The following GALNT18 variants were observed in gnomAD, a reference collection of about 807,000 sequenced individuals.
GALNT18 encodes GalNAc-transferase 18.
A neutral mutation model predicts 69.5 loss-of-function variants in GALNT18; 44 were observed. That is an observed-to-expected ratio of 0.63 (90% CI 0.50 to 0.81). The LOEUF (loss-of-function observed/expected upper bound fraction) is 0.81, where lower values mean the gene tolerates loss of function less well. Among genes scored for constraint, GALNT18 ranks in the 40% least tolerant of loss-of-function variants. The pLI is 0.00. For synonymous variants in GALNT18, 364 were observed against 318.2 expected, an observed-to-expected ratio of 1.14 and a Z score of -1.53; for missense variants, 715 against 810.0, an observed-to-expected ratio of 0.88 and a Z score of 1.42.
At chr11:11,479,147 A>G (rs978420445) in intron 1 of GALNT18, among the ~76,000 whole-genome samples, 2 of 152,128 alleles carry the variant, frequency 1.3e-5, no homozygotes, top group African/African-American at 2.4e-5. Flanking sequence ...CAATTCTTCC[A>G]TTACTTGTAT....
chr11:11,421,983 A>G lies in GALNT18; in HGVS notation c.595+10638T>C, dbSNP rs1343138569. Among the ~76,000 whole-genome samples the G allele has an allele frequency of 6.6e-6, 1 of 152,266 alleles. No individual in the cohort carries two copies. Among genetic ancestry groups the G allele is most frequent in the African/African-American group, 2.4e-5 (1 of 41,474 alleles). On this transcript the variant is annotated intron_variant, in intron 3 of 10. Transcript: ENST00000227756. The surrounding 1 kb of genome is among the most constrained non-coding windows in gnomAD (Gnocchi z 5.6). ...TGCATGGCAGCTGAGAGGTAGGTTCAGAAATGGACACAGTTGAATCAGTTG... is the reference window on the plus strand; with the variant it reads ...TGCATGGCAGCTGAGAGGTAGGTTCGGAAATGGACACAGTTGAATCAGTTG...
intron 1 of GALNT18, among the ~76,000 whole-genome samples, chr11:11,550,290 C>G (rs1393539063): frequency 2.0e-5 from 3 of 152,198 alleles, no homozygotes; most frequent in African/African-American, 7.2e-5. Flanking sequence ...TTGCTAACAC[C>G]TCTTCCCCAA....
chr11:11,490,803 T>C (rs191286252), intron 1 of GALNT18, among the ~76,000 whole-genome samples: 1 of 152,324 alleles, frequency 6.6e-6, no homozygotes, highest in East Asian at 1.9e-4. Flanking sequence ...TCTCTCCAAA[T>C]CATGCAGGGC....
chr11:11,408,671 A>G (rs1854651504), intron 3 of GALNT18, among the ~76,000 whole-genome samples: 1 of 152,180 alleles, frequency 6.6e-6, no homozygotes, highest in Admixed American at 6.5e-5. Flanking sequence ...CCTGCATCGT[A>G]GGCAGGAGGG....
chr11:11,526,353 A>T (rs767991249), intron 1 of GALNT18, among the ~76,000 whole-genome samples: 1 of 151,888 alleles, frequency 6.6e-6, no homozygotes, highest in East Asian at 1.9e-4. Flanking sequence ...AAATTCATAG[A>T]CTCTTACAAG....
intron 2 of GALNT18, among the ~76,000 whole-genome samples, chr11:11,448,136 A>C (rs1021867904): frequency 5.9e-5 from 9 of 152,110 alleles, no homozygotes; most frequent in African/African-American, 2.2e-4. Flanking sequence ...GACTCCAGAT[A>C]TAAGCTCACT....
intron 3 of GALNT18, among the ~76,000 whole-genome samples, chr11:11,423,607 TACTTC>T (rs1023990600): frequency 7.9e-5 from 12 of 152,208 alleles, no homozygotes; most frequent in Non-Finnish European, 1.3e-4. Flanking sequence ...TTTTGTCTCC[TACTTC>T]ACTGGTCCTG....
At chr11:11,325,633 G>T (rs1173365622) in intron 9 of GALNT18, among the ~76,000 whole-genome samples, 1 of 152,134 alleles carries the variant, frequency 6.6e-6, no homozygotes, top group Non-Finnish European at 1.5e-5. Flanking sequence ...TCTTATTTTT[G>T]ATCTGGGTGT....
Position 11,592,033 on chromosome 11 carries a change from T to G in GALNT18, c.235+29326A>C, listed in dbSNP as rs1859372030. Among the ~76,000 whole-genome samples, 1 of 152,210 alleles carries G rather than the reference T, an allele frequency of 6.6e-6. No individual in the cohort carries two copies. The highest frequency in any genetic ancestry group is 2.4e-5 in the African/African-American group (1 of 41,454). Reference sequence around the variant, plus strand: ...ATAATAATAGCATATCTCAGTTTGTTGCTGTGAAGATAAAGTGAGATAATT... The same window carrying G: ...ATAATAATAGCATATCTCAGTTTGTGGCTGTGAAGATAAAGTGAGATAATT... On this transcript the variant is annotated intron_variant, in intron 1 of 10. Coordinates refer to ENST00000227756, the MANE Select transcript of GALNT18 (RefSeq NM_198516.3). This position sits in a 1 kb window ranked among gnomAD's most constrained non-coding sequence, Gnocchi z 5.9.
chr11:11,287,854 G>T (rs946755696), intron 10 of GALNT18, among the ~76,000 whole-genome samples: 2 of 152,068 alleles, frequency 1.3e-5, no homozygotes, highest in South Asian at 4.1e-4. Flanking sequence ...CAAACACAGG[G>T]CTGGCAATGG....
At position 11,413,293 on chromosome 11, in the gene GALNT18, G is replaced by A. The variant is rs549902682; in HGVS notation, c.595+19328C>T. Among the ~76,000 whole-genome samples the A allele has an allele frequency of 3.9e-5, 6 of 152,286 alleles. No homozygotes were observed. The South Asian group carries it at 1.2e-3, about 32-fold the overall frequency. On this transcript the variant is annotated intron_variant, in intron 3 of 10. Coordinates refer to ENST00000227756, the MANE Select transcript of GALNT18 (RefSeq NM_198516.3). This position sits in a 1 kb window ranked among gnomAD's most constrained non-coding sequence, Gnocchi z 4.7. The stretch of plus-strand genomic sequence containing the variant: ...GAGGACCCCGGTGGGAAGCTCTTCT[G>A]CACTGAGTGGCCCTGGAGGGGAAGC...
At chr11:11,477,519 C>T (rs530423312) in intron 1 of GALNT18, among the ~76,000 whole-genome samples, 1 of 152,350 alleles carries the variant, frequency 6.6e-6, no homozygotes, top group South Asian at 2.1e-4. Context: ...CACCTTTCCT[C>T]TCCCTCCTCC....
In GALNT18 at chr11:11,352,527, T is replaced by C. The variant is rs558986793; in HGVS notation, c.1093-11523A>G. Reference sequence around the variant, plus strand: ...ATAGTCTACAAGTAGCTCAGGACCTTTGAAGTATCGGGAAGCAACTCGGAC... The same window carrying C: ...ATAGTCTACAAGTAGCTCAGGACCTCTGAAGTATCGGGAAGCAACTCGGAC... On this transcript the variant is annotated intron_variant, in intron 6 of 10. Coordinates refer to ENST00000227756, the MANE Select transcript of GALNT18 (RefSeq NM_198516.3). 217 of 1,614,126 alleles carry C rather than the reference T, an allele frequency of 1.3e-4. 1 individual carries two copies. In the African/African-American group the frequency reaches 2.3e-3, roughly 17 times the overall value.
chr11:11,339,494 C>A lies in GALNT18; in HGVS notation c.1278+1325G>T, dbSNP rs149569471. Among the ~76,000 whole-genome samples the A allele has an allele frequency of 1.1e-4, 17 of 152,250 alleles. No individual in the cohort carries two copies. Among genetic ancestry groups the A allele is most frequent in the Non-Finnish European group, 2.4e-4 (16 of 68,026 alleles). ...ACCTGCTATGCCTCACTGGTGAGCT[C>A]CTGGGGAGTTTCCAAGTGTTCTTAA... On this transcript the variant is annotated intron_variant, in intron 7 of 10. Coordinates refer to ENST00000227756, the MANE Select transcript of GALNT18 (RefSeq NM_198516.3). The surrounding 1 kb of genome is among the most constrained non-coding windows in gnomAD (Gnocchi z 5.2).
At chr11:11,379,988 C>T (rs1480008054) in intron 3 of GALNT18, among the ~76,000 whole-genome samples, 1 of 152,242 alleles carries the variant, frequency 6.6e-6, no homozygotes, top group Non-Finnish European at 1.5e-5. Flanking sequence ...TTTTTCATAG[C>T]AGCTAAGGCA....
At chr11:11,419,880 CACCT>C (rs1215292306) in intron 3 of GALNT18, among the ~76,000 whole-genome samples, 1 of 151,978 alleles carries the variant, frequency 6.6e-6, no homozygotes, top group African/African-American at 2.4e-5. Flanking sequence ...AGGGCTGGAA[CACCT>C]GTCTACTTGC....
intron 1 of GALNT18, among the ~76,000 whole-genome samples, chr11:11,535,740 A>C (rs7127593): frequency 0.98 from 149,193 of 152,308 alleles, 73,126 homozygotes; most frequent in Non-Finnish European, 1. Context: ...CCAGGGAGTG[A>C]TGGTGCTTTC....
intron 1 of GALNT18, among the ~76,000 whole-genome samples, chr11:11,572,171 T>G (rs906172656): frequency 6.6e-6 from 1 of 152,214 alleles, no homozygotes; most frequent in African/African-American, 2.4e-5. Flanking sequence ...TGTTGGCATG[T>G]AGTGTCTTGC....
chr11:11,531,634 C>T (rs66723122), intron 1 of GALNT18, among the ~76,000 whole-genome samples: 10,557 of 152,204 alleles, frequency 0.069, 388 homozygotes, highest in Middle Eastern at 0.085. Context: ...TTTGGGCCCA[C>T]GTCTCCACAG....
Sources: allele counts gnomAD v4.1 joint callset (sites outside exome capture counted in the v4.1 genomes callset), GRCh38; gene constraint gnomAD v4.1.1; non-coding constraint Gnocchi (gnomAD v3.1); transcripts MANE v1.5; gene names NCBI Gene and HGNC (gene_info 2026-07-23, HGNC 2026-07-21).